OTUD7A: variants seen among roughly 807,000 people sequenced by gnomAD.
OTUD7A encodes the protein OTU deubiquitinase 7A, also known as OTU domain-containing protein 7A.
Under a neutral mutation model 65.7 loss-of-function variants are expected in OTUD7A, and 12 were observed. The ratio of observed to expected loss-of-function variants is 0.18; its 90% CI spans 0.12 to 0.30. The LOEUF (loss-of-function observed/expected upper bound fraction) is 0.30, where lower values mean the gene tolerates loss of function less well. Among genes scored for constraint, OTUD7A ranks in the 10% least tolerant of loss-of-function variants. OTUD7A has a pLI of 1.00. For synonymous variants in OTUD7A, 641 were observed against 586.3 expected, an observed-to-expected ratio of 1.09 and a Z score of -1.35; for missense variants, 1,148 against 1,304.8, an observed-to-expected ratio of 0.88 and a Z score of 1.85.
chr15:31,605,357 CA>C (rs1179041687), intron 3 of OTUD7A, among the ~76,000 whole-genome samples: 1 of 152,158 alleles, frequency 6.6e-6, no homozygotes, highest in Non-Finnish European at 1.5e-5. Context: ...TCTGGACACA[CA>C]GGGGTGTGCT....
chr15:31,749,286 T>A (rs1167611250), intron 1 of OTUD7A, among the ~76,000 whole-genome samples: 1 of 152,086 alleles, frequency 6.6e-6, no homozygotes, highest in Non-Finnish European at 1.5e-5. Flanking sequence ...TAAAGTATAA[T>A]AAAAAATAAA....
chr15:31,585,448 G>A (rs1889502320), intron 3 of OTUD7A, among the ~76,000 whole-genome samples: 1 of 152,238 alleles, frequency 6.6e-6, no homozygotes, highest in Non-Finnish European at 1.5e-5. Context: ...GGTGACAGTG[G>A]CTCTGCCTGT....
chr15:31,689,681 C>T lies in OTUD7A; in HGVS notation c.-99-32604G>A, dbSNP rs1262760366. On this transcript the variant is annotated intron_variant, in intron 1 of 12. Coordinates refer to ENST00000307050, the MANE Select transcript of OTUD7A (RefSeq NM_001382637.1). ...AGCCCTGAATCCCACTCCCAACACA[C>T]GATCCCACCCTTTAATTTTCAAATG... is the stretch of plus-strand genomic sequence containing the variant. Among the ~76,000 whole-genome samples the T allele has an allele frequency of 9.8e-5, 15 of 152,318 alleles. No homozygotes were observed. The South Asian group carries it at 1.0e-3, about 11-fold the overall frequency.
Position 31,498,772 on chromosome 15 carries a change from G to GA in OTUD7A, c.1171+2917_1171+2918insT, listed in dbSNP as rs1436338655. Among the ~76,000 whole-genome samples the GA allele has an allele frequency of 1.3e-5, 2 of 152,180 alleles. No individual in the cohort carries two copies. Among genetic ancestry groups the GA allele is most frequent in the African/African-American group, 4.8e-5 (2 of 41,444 alleles). On this transcript the variant is annotated intron_variant, in intron 10 of 12. Coordinates refer to ENST00000307050, the MANE Select transcript of OTUD7A (RefSeq NM_001382637.1). This position sits in a 1 kb window ranked among gnomAD's most constrained non-coding sequence, Gnocchi z 4.2. ...GAGAAAGCAGGTGACCATCATGTGT[G>GA]GAAGCTACCAAGAAAGAATGCATAC...
At chr15:31,828,104 A>C (rs1393170205) in intron 1 of OTUD7A, among the ~76,000 whole-genome samples, 1 of 151,828 alleles carries the variant, frequency 6.6e-6, no homozygotes, top group East Asian at 1.9e-4. Context: ...TCCATCCTGA[A>C]TTCTGTCAGC....
chr15:31,737,501 C>T (rs546084726), intron 1 of OTUD7A, among the ~76,000 whole-genome samples: 1 of 152,326 alleles, frequency 6.6e-6, no homozygotes, highest in East Asian at 1.9e-4. Context: ...ATTTATTGAG[C>T]ACTGCATGCA....
rs182463894 is a variant in OTUD7A, at chr15:31,529,765, G to A, written c.652+942C>T. ...GCAGGTCCAAAGAGAGAGAGGTCTG[G>A]GGGCTGGCCCTTGATGTAGGTCATG... On this transcript the variant is annotated intron_variant, in intron 6 of 12. Coordinates refer to ENST00000307050, the MANE Select transcript of OTUD7A (RefSeq NM_001382637.1). Among the ~76,000 whole-genome samples the A allele has an allele frequency of 2.9e-3, 446 of 152,302 alleles. 5 individuals carry two copies. Among genetic ancestry groups the A allele is most frequent in the Non-Finnish European group, 3.7e-3 (255 of 68,020 alleles).
chr15:31,522,775 A>G (rs1176748639), intron 8 of OTUD7A, among the ~76,000 whole-genome samples: 1 of 152,170 alleles, frequency 6.6e-6, no homozygotes, highest in African/African-American at 2.4e-5. Flanking sequence ...AGGCACAGTG[A>G]GAGGAAGCAG....
At chr15:31,763,715 G>T (rs1363954451) in intron 1 of OTUD7A, among the ~76,000 whole-genome samples, 6 of 152,090 alleles carry the variant, frequency 3.9e-5, no homozygotes, top group African/African-American at 1.4e-4. Context: ...GAAAATAAAA[G>T]AAATCCAGGC....
At chr15:31,507,597 T>C (rs536277311) in intron 8 of OTUD7A, among the ~76,000 whole-genome samples, 13 of 150,600 alleles carry the variant, frequency 8.6e-5, no homozygotes, top group East Asian at 5.9e-4. Context: ...TTCTAAACCA[T>C]GGAACAGGAC....
In OTUD7A at chr15:31,483,490, A is replaced by G. The variant is rs1408962373; in HGVS notation, c.2606T>C (p.Leu869Pro). 1 of 1,398,038 alleles carries G rather than the reference A, an allele frequency of 7.2e-7. No homozygotes were observed. Among genetic ancestry groups the G allele is most frequent in the Non-Finnish European group, 9.3e-7 (1 of 1,074,724 alleles). 86.6% of individuals were successfully genotyped at this position (1,398,038 alleles called of 1,614,324 possible). A position where few individuals can be genotyped will look rare whatever the true frequency, so the allele number is the denominator to read the frequency against. The stretch of plus-strand genomic sequence containing the variant: ...CGGCGCGTCGGCGTCGGCGAACTCC[A>G]GGCCGTCGCGCAGGGCGCCGAAGCC... ...TNGFGALRDG[L>P]EFADADAPTA... The change falls in exon 13 of 13, where the codon CTG (leucine) becomes CCG (proline). Residue 869 changes from leucine to proline, a missense_variant. Coordinates refer to ENST00000307050, the MANE Select transcript of OTUD7A (RefSeq NM_001382637.1).
chr15:31,799,104 G>A (rs1276891573), intron 1 of OTUD7A, among the ~76,000 whole-genome samples: 2 of 152,200 alleles, frequency 1.3e-5, no homozygotes, highest in African/African-American at 4.8e-5. Flanking sequence ...TAAGCCAGGA[G>A]TGAGTCTGGG....
chr15:31,855,639 G>A (rs534767408), intron 1 of OTUD7A, among the ~76,000 whole-genome samples: 3 of 152,300 alleles, frequency 2.0e-5, no homozygotes, highest in Non-Finnish European at 4.4e-5. Context: ...TCTAAGAGAT[G>A]ACCCATGTTA....
intron 1 of OTUD7A, among the ~76,000 whole-genome samples, chr15:31,824,148 T>C (rs889275060): frequency 2.0e-5 from 3 of 152,206 alleles, no homozygotes; most frequent in Non-Finnish European, 4.4e-5. Flanking sequence ...AACCAAGGCC[T>C]TTGTTCAGTT....
chr15:31,765,418 T>C (rs1421034775), intron 1 of OTUD7A, among the ~76,000 whole-genome samples: 1 of 79,070 alleles, frequency 1.3e-5, no homozygotes, highest in African/African-American at 5.1e-5. Flanking sequence ...TGCAGATAAA[T>C]TTTTTTTAAA....
intron 1 of OTUD7A, among the ~76,000 whole-genome samples, chr15:31,684,013 G>A (rs1892780767): frequency 1.3e-5 from 2 of 152,170 alleles, no homozygotes; most frequent in African/African-American, 4.8e-5. Context: ...GACCAAATAA[G>A]AAGCATTGCA....
chr15:31,841,276 G>A (rs1897175703), intron 1 of OTUD7A, among the ~76,000 whole-genome samples: 1 of 152,174 alleles, frequency 6.6e-6, no homozygotes, highest in Non-Finnish European at 1.5e-5. Flanking sequence ...TGGCCTCAGA[G>A]AGAGTGAGAG....
intron 5 of OTUD7A, among the ~76,000 whole-genome samples, chr15:31,531,421 G>C (rs926471925): frequency 7.5e-5 from 11 of 147,264 alleles, no homozygotes; most frequent in Admixed American, 2.1e-4. Context: ...GGGATCTTGA[G>C]ACTTGAGGAA....
intron 7 of OTUD7A, 141 bp from the exon 8 acceptor site, chr15:31,526,602 C>A (rs1253623600): frequency 1.7e-6 from 1 of 594,988 alleles, no homozygotes; most frequent in East Asian, 3.0e-5. Context: ...ACCAACTGCA[C>A]CCTCTTGGCC....
Sources: allele counts gnomAD v4.1 joint callset (sites outside exome capture counted in the v4.1 genomes callset), GRCh38; gene constraint gnomAD v4.1.1; non-coding constraint Gnocchi (gnomAD v3.1); transcripts MANE v1.5; gene names NCBI Gene and HGNC (gene_info 2026-07-23, HGNC 2026-07-21).